Variants in RUNX1 observed in about 807,000 individuals in gnomAD.
RUNX1 encodes RUNX family transcription factor 1, also known as runt-related transcription factor 1.
Under a neutral mutation model 42.8 loss-of-function variants are expected in RUNX1, and 19 were observed. The ratio of observed to expected loss-of-function variants is 0.44; its 90% CI spans 0.31 to 0.65. The LOEUF (loss-of-function observed/expected upper bound fraction) is 0.65. Among genes scored for constraint, RUNX1 ranks in the 30% least tolerant of loss-of-function variants. The pLI, the probability that RUNX1 is intolerant of heterozygous loss-of-function variation, is 0.07. For synonymous variants in RUNX1, 271 were observed against 289.4 expected (o/e 0.94, Z 0.64); for missense variants, 528 against 672.0 (o/e 0.79, Z 2.37).
chr21:35,019,150 T>G (rs989517592), intron 2 of RUNX1, among the ~76,000 whole-genome samples: 4 of 152,228 alleles, frequency 2.6e-5, no homozygotes, highest in South Asian at 2.1e-4. Context: ...CTTCTAACAC[T>G]GCATCCCCTT....
At chr21:34,920,156 A>G (rs1264484452) in intron 2 of RUNX1, among the ~76,000 whole-genome samples, 1 of 152,184 alleles carries the variant, frequency 6.6e-6, no homozygotes, top group Non-Finnish European at 1.5e-5. Context: ...TATTTTACCA[A>G]TTTTGGGAAT....
At chr21:34,930,703 A>ACT (rs71841507) in intron 2 of RUNX1, among the ~76,000 whole-genome samples, 135 of 149,166 alleles carry the variant, frequency 9.1e-4, no homozygotes, top group African/African-American at 2.9e-3. Context: ...ACACACACAC[A>ACT]CTCTCTCTCT....
chr21:35,002,888 T>C (rs1340373702), intron 2 of RUNX1, among the ~76,000 whole-genome samples: 1 of 152,188 alleles, frequency 6.6e-6, no homozygotes, highest in Non-Finnish European at 1.5e-5. Flanking sequence ...GTGTAAAATG[T>C]ATGAGAAAAA....
intron 2 of RUNX1, among the ~76,000 whole-genome samples, chr21:34,922,817 T>A (rs1167145473): frequency 2.0e-5 from 3 of 152,232 alleles, no homozygotes; most frequent in Non-Finnish European, 4.4e-5. Context: ...CTTGGGAATT[T>A]CTGACATAAA....
intron 7 of RUNX1, among the ~76,000 whole-genome samples, chr21:34,801,386 A>G (rs2056605501): frequency 6.6e-6 from 1 of 152,228 alleles, no homozygotes; most frequent in African/African-American, 2.4e-5. Flanking sequence ...GTTTTACTGT[A>G]GTGAAAAAGT....
At chr21:34,935,151 C>A (rs2058475802) in intron 2 of RUNX1, among the ~76,000 whole-genome samples, 2 of 152,120 alleles carry the variant, frequency 1.3e-5, no homozygotes, top group Non-Finnish European at 2.9e-5. Context: ...TGAAAATAAT[C>A]TGTCACTCAT....
chr21:34,916,598 G>A (rs2058314024), intron 2 of RUNX1, among the ~76,000 whole-genome samples: 1 of 152,160 alleles, frequency 6.6e-6, no homozygotes, highest in African/African-American at 2.4e-5. Flanking sequence ...CTCGGAGGAG[G>A]AGATGATGAC....
At chr21:35,016,417 G>A (rs572354780) in intron 2 of RUNX1, among the ~76,000 whole-genome samples, 1 of 152,256 alleles carries the variant, frequency 6.6e-6, no homozygotes, top group African/African-American at 2.4e-5. Flanking sequence ...GTGGGAATAA[G>A]GCTTATGGAA....
At chr21:34,880,025 G>A (rs564849314) in intron 5 of RUNX1, among the ~76,000 whole-genome samples, 122 of 152,226 alleles carry the variant, frequency 8.0e-4, no homozygotes, top group African/African-American at 2.8e-3. Flanking sequence ...GCCATCAATG[G>A]TACTAACATT....
intron 2 of RUNX1, among the ~76,000 whole-genome samples, chr21:35,046,437 C>T (rs563820004): frequency 3.3e-5 from 5 of 152,334 alleles, no homozygotes; most frequent in African/African-American, 7.2e-5. Flanking sequence ...TCTTCCCTTT[C>T]GGCTCACAGT....
At chr21:34,857,149 T>C (rs1355928106) in intron 6 of RUNX1, among the ~76,000 whole-genome samples, 2 of 152,214 alleles carry the variant, frequency 1.3e-5, no homozygotes, top group Admixed American at 6.5e-5. Context: ...CTTATACTTA[T>C]TCCACGCATT....
chr21:34,816,390 G>A (rs1478851461), intron 7 of RUNX1, among the ~76,000 whole-genome samples: 1 of 151,750 alleles, frequency 6.6e-6, no homozygotes, highest in Non-Finnish European at 1.5e-5. Flanking sequence ...TGTAGCGGGT[G>A]GGGGCACGCT....
intron 5 of RUNX1, among the ~76,000 whole-genome samples, chr21:34,865,416 A>G (rs2057647070): frequency 6.6e-6 from 1 of 151,954 alleles, no homozygotes; most frequent in South Asian, 2.1e-4. Context: ...CGACCTTTGT[A>G]AGGCACAACT....
intron 2 of RUNX1, among the ~76,000 whole-genome samples, chr21:34,990,360 C>T (rs533741335): frequency 6.6e-6 from 1 of 152,168 alleles, no homozygotes; most frequent in Admixed American, 6.5e-5. Context: ...GAAGCTTCCC[C>T]AGGGAAGAGC....
chr21:34,951,941 G>A (rs564395006), intron 2 of RUNX1, among the ~76,000 whole-genome samples: 32 of 152,162 alleles, frequency 2.1e-4, no homozygotes, highest in Middle Eastern at 3.4e-3. Context: ...TGTTTCTTGC[G>A]GCATTATTCA....
intron 7 of RUNX1, among the ~76,000 whole-genome samples, chr21:34,831,262 G>A (rs978582930): frequency 5.9e-5 from 9 of 152,030 alleles, no homozygotes; most frequent in Non-Finnish European, 1.3e-4. Flanking sequence ...TTAAGACCTG[G>A]TAAAATAGGA....
chr21:34,852,633 C>T (rs1749553968), intron 6 of RUNX1, among the ~76,000 whole-genome samples: 1 of 152,178 alleles, frequency 6.6e-6, no homozygotes, highest in Non-Finnish European at 1.5e-5. Flanking sequence ...GCCTGAAATG[C>T]CTTTCAAAGT....
At chr21:34,917,422 T>C (rs2146541629) in intron 2 of RUNX1, among the ~76,000 whole-genome samples, 1 of 152,340 alleles carries the variant, frequency 6.6e-6, no homozygotes, top group Non-Finnish European at 1.5e-5. Flanking sequence ...CAGGCAGTTT[T>C]CAGTTGAACA....
chr21:34,914,140 G>A (rs906097667), intron 2 of RUNX1, among the ~76,000 whole-genome samples: 22 of 152,216 alleles, frequency 1.4e-4, no homozygotes, highest in Non-Finnish European at 1.2e-4. Flanking sequence ...ACTCTTGGAA[G>A]GAGGCAAATA....
Sources: gnomAD v4.1 joint callset for allele counts (sites outside exome capture counted in the v4.1 genomes callset) on GRCh38, gnomAD v4.1.1 for gene constraint, MANE v1.5 for transcripts, NCBI Gene and HGNC (gene_info 2026-07-23, HGNC 2026-07-21) for gene names.